The following ELMO1 variants were observed in gnomAD, a reference collection of about 807,000 sequenced individuals.
ELMO1 encodes the protein engulfment and cell motility protein 1.
ELMO1 carries 26 observed loss-of-function variants against 98.9 expected under a neutral mutation model. That is an observed-to-expected ratio of 0.26 (90% CI 0.19 to 0.36). ELMO1 has a LOEUF of 0.36. ELMO1 is among the 10% of genes least tolerant of loss of function. ELMO1 has a pLI of 1.00. For synonymous variants in ELMO1, 346 were observed against 346.0 expected (o/e 1.00, Z 0.00); for missense variants, 627 against 935.2 (o/e 0.67, Z 4.30).
At chr7:37,012,868 G>A (rs1584513696) in intron 16 of ELMO1, among the ~76,000 whole-genome samples, 1 of 152,114 alleles carries the variant, frequency 6.6e-6, no homozygotes, top group South Asian at 2.1e-4. Flanking sequence ...AATCCACAAA[G>A]AAACCACCGG....
intron 1 of ELMO1, among the ~76,000 whole-genome samples, chr7:37,385,865 G>T (rs2247319): frequency 1 from 152,321 of 152,326 alleles, 76,158 homozygotes; most frequent in Middle Eastern, 1. Flanking sequence ...TGGAGAACAT[G>T]GGAAACTACC....
intron 15 of ELMO1, among the ~76,000 whole-genome samples, chr7:37,024,433 T>C (rs1584530554): frequency 6.6e-6 from 1 of 152,236 alleles, no homozygotes; most frequent in East Asian, 1.9e-4. Flanking sequence ...TTGGTCTCTG[T>C]TTAATGAAAT....
chr7:37,374,272 G>A (rs956441707), intron 1 of ELMO1, among the ~76,000 whole-genome samples: 1 of 152,208 alleles, frequency 6.6e-6, no homozygotes, highest in African/African-American at 2.4e-5. Flanking sequence ...GAAGGAGAGG[G>A]GAGGCTGAGG....
intron 1 of ELMO1, among the ~76,000 whole-genome samples, chr7:37,428,501 G>A (rs1804801611): frequency 6.6e-6 from 1 of 152,184 alleles, no homozygotes; most frequent in South Asian, 2.1e-4. Flanking sequence ...TCACCAGAGC[G>A]ATAATCAGAA....
chr7:37,045,732 C>A (rs993653680), intron 15 of ELMO1, among the ~76,000 whole-genome samples: 1 of 152,112 alleles, frequency 6.6e-6, no homozygotes. Flanking sequence ...TTCCTTTTCC[C>A]AGATTCCCTA....
intron 16 of ELMO1, among the ~76,000 whole-genome samples, chr7:37,004,220 A>G (rs1792888651): frequency 6.6e-6 from 1 of 152,172 alleles, no homozygotes; most frequent in African/African-American, 2.4e-5. Context: ...TTTCCTTTTA[A>G]TGGGACATAT....
intron 1 of ELMO1, among the ~76,000 whole-genome samples, chr7:37,363,328 C>A (rs1259719987): frequency 1.3e-5 from 2 of 152,158 alleles, no homozygotes; most frequent in Non-Finnish European, 1.5e-5. Flanking sequence ...ACATAGCCAC[C>A]AAAGTCGAAA....
intron 7 of ELMO1, among the ~76,000 whole-genome samples, chr7:37,237,186 G>A (rs1453766594): frequency 6.6e-6 from 1 of 152,122 alleles, no homozygotes; most frequent in Non-Finnish European, 1.5e-5. Flanking sequence ...ACAAAATTCA[G>A]CCAATCTCAA....
intron 16 of ELMO1, among the ~76,000 whole-genome samples, chr7:36,970,810 G>A (rs563875215): frequency 1.1e-4 from 17 of 152,350 alleles, no homozygotes; most frequent in Admixed American, 3.3e-4. Flanking sequence ...TGGCCACTCA[G>A]TCTGAAACTC....
rs200188901 is a variant in ELMO1 at position 37,042,121 on chromosome 7, G to GAA, written c.1301-28688_1301-28687dup. On this transcript the variant is annotated intron_variant, in intron 15 of 21. Transcript: ENST00000310758. ...GCACATGGAAAAACCCCGTCTCTAC[G>GAA]AAAAAAAAAAAAAATACAAAAACCA... Among the ~76,000 whole-genome samples, 199 of 97,208 alleles carry GAA rather than the reference G, an allele frequency of 2.0e-3. 3 individuals are homozygous for GAA. Among genetic ancestry groups the GAA allele is most frequent in the African/African-American group, 7.1e-3 (186 of 26,354 alleles). 63.8% of individuals were successfully genotyped at this position (97,208 alleles called of 152,430 possible).
chr7:36,895,611 G>A (rs576551085), intron 16 of ELMO1, among the ~76,000 whole-genome samples: 2 of 152,244 alleles, frequency 1.3e-5, no homozygotes, highest in South Asian at 2.1e-4. Flanking sequence ...TATTAAATTA[G>A]AACAGACATA....
chr7:37,028,075 A>C (rs918344168), intron 15 of ELMO1, among the ~76,000 whole-genome samples: 4 of 151,840 alleles, frequency 2.6e-5, no homozygotes, highest in Admixed American at 6.6e-5. Flanking sequence ...TTTAATCTTC[A>C]TAACAGTTCC....
At chr7:37,314,747 C>A (rs1233220430) in intron 4 of ELMO1, 103 bp downstream of exon 4, 3 of 1,022,804 alleles carry the variant, frequency 2.9e-6, no homozygotes, top group Non-Finnish European at 1.4e-6. Flanking sequence ...ATAGTAGAGA[C>A]CTAAAATTTA....
At chr7:37,228,050 C>T (rs1793962874) in intron 8 of ELMO1, among the ~76,000 whole-genome samples, 1 of 152,250 alleles carries the variant, frequency 6.6e-6, no homozygotes, top group African/African-American at 2.4e-5. Flanking sequence ...GTCCTATGTA[C>T]AAGTCTGAAG....
chr7:37,019,536 G>C (rs1366804553), intron 15 of ELMO1, among the ~76,000 whole-genome samples: 1 of 152,170 alleles, frequency 6.6e-6, no homozygotes, highest in Non-Finnish European at 1.5e-5. Flanking sequence ...TTATACACGA[G>C]AGCTTGTCAC....
At chr7:37,375,755 A>G (rs1231301309) in intron 1 of ELMO1, 7 of 1,128,858 alleles carry the variant, frequency 6.2e-6, no homozygotes, top group Non-Finnish European at 9.3e-6. Flanking sequence ...GGTATCCAGT[A>G]TCTCAGTGAT....
At chr7:37,320,320 C>T (rs1000291523) in intron 2 of ELMO1, among the ~76,000 whole-genome samples, 21 of 151,946 alleles carry the variant, frequency 1.4e-4, no homozygotes, top group African/African-American at 5.1e-4. Flanking sequence ...AGCTTGTCAG[C>T]CAAAGCCATC....
At chr7:37,428,465 T>C (rs1804799748) in intron 1 of ELMO1, among the ~76,000 whole-genome samples, 2 of 152,356 alleles carry the variant, frequency 1.3e-5, no homozygotes, top group African/African-American at 4.8e-5. Context: ...CCAATGTGTA[T>C]ATGCCTGGAG....
At chr7:37,271,469 G>T in intron 5 of ELMO1, 1 of 205,394 alleles carries the variant, frequency 4.9e-6, no homozygotes, top group Non-Finnish European at 9.6e-6. Flanking sequence ...GCTTCCCTGG[G>T]CCACAGGAAG....
Sources: gnomAD v4.1 joint callset for allele counts (sites outside exome capture counted in the v4.1 genomes callset) on GRCh38, gnomAD v4.1.1 for gene constraint, MANE v1.5 for transcripts, NCBI Gene and HGNC (gene_info 2026-07-23, HGNC 2026-07-21) for gene names.